The following GPAT3 variants were observed in gnomAD, a reference collection of about 807,000 sequenced individuals.
GPAT3 encodes 1-AGP acyltransferase 9.
In GPAT3, 53 loss-of-function variants were observed where a neutral mutation model predicts 58.8. That is an observed-to-expected ratio of 0.90 (90% CI 0.72 to 1.13). GPAT3 has a LOEUF of 1.13. Among genes scored for constraint, GPAT3 ranks in the 50% most tolerant of loss-of-function variants. The probability of loss-of-function intolerance (pLI) is 0.00; values close to 1 mark genes in which losing one functional copy is unlikely to be tolerated. For synonymous variants in GPAT3, 197 were observed against 187.4 expected (o/e 1.05, Z -0.42); for missense variants, 511 against 527.6 (o/e 0.97, Z 0.31).
chr4:83,586,663 G>C (rs2110101899), intron 3 of GPAT3, among the ~76,000 whole-genome samples: 1 of 152,118 alleles, frequency 6.6e-6, no homozygotes, highest in East Asian at 1.9e-4. Flanking sequence ...TACATTTCTA[G>C]AAATTACTAC....
At chr4:83,592,716 C>T (rs1369583686) in intron 6 of GPAT3, among the ~76,000 whole-genome samples, 1 of 152,106 alleles carries the variant, frequency 6.6e-6, no homozygotes, top group Non-Finnish European at 1.5e-5. Flanking sequence ...TTAGAGCACC[C>T]TTATGCCCTT....
At chr4:83,547,166 T>C (rs1348622578) in intron 2 of GPAT3, among the ~76,000 whole-genome samples, 2 of 151,766 alleles carry the variant, frequency 1.3e-5, no homozygotes, top group Non-Finnish European at 2.9e-5. Context: ...CTGAATGATA[T>C]AGTCCTGAAA....
chr4:83,587,519 T>C (rs1228752330), intron 4 of GPAT3, among the ~76,000 whole-genome samples, 190 bp downstream of exon 4: 1 of 152,190 alleles, frequency 6.6e-6, no homozygotes, highest in Non-Finnish European at 1.5e-5. Context: ...CTCCGCCTCC[T>C]GGGTTCAAGA....
At chr4:83,535,718 C>A (rs751247876), upstream of GPAT3, 36 of 985,202 alleles carry the variant, frequency 3.7e-5, no homozygotes, top group Admixed American at 1.2e-4. Context: ...AGATTGAGCC[C>A]CACAGCTGTA....
At position 83,588,303 on chromosome 4, in the gene GPAT3, A is replaced by G; in HGVS notation, c.644+4A>G. 6.8e-7 allele frequency: 1 copy of G among 1,462,000 alleles called. No homozygotes were observed. The highest frequency in any genetic ancestry group is 9.0e-7 in the Non-Finnish European group (1 of 1,111,992). The allele number at this position is 1,462,000 out of a possible 1,614,324, so 90.6% of individuals were successfully genotyped here. A position where few individuals can be genotyped will look rare whatever the true frequency, so the allele number is the denominator to read the frequency against. ...GTACCATTCATTATCATAACAAGTG[A>G]GTATCTGCTCCAATGTGCCTGTCTT... On this transcript the variant is annotated splice_donor_region_variant and intron_variant, in intron 5 of 11. Transcript: ENST00000264409.
In GPAT3 at chr4:83,581,764, C is replaced by T. The variant is rs1726141221; in HGVS notation, c.411C>T (p.Ile137=). 3 of 1,614,128 alleles carry T rather than the reference C, an allele frequency of 1.9e-6. No individual in the cohort carries two copies. The highest frequency in any genetic ancestry group is 2.5e-6 in the Non-Finnish European group (3 of 1,180,018). ...LTRTNVNFQY[I]SLRLTMVWVL... ...GAACCAATGTAAATTTCCAGTACAT[C>T]AGTCTGCGGCTCACTATGGTGTGGG... Residue 137 remains isoleucine, a synonymous_variant, in exon 3 of 12, where the codon ATC becomes ATT. Coordinates refer to ENST00000264409, the MANE Select transcript of GPAT3 (RefSeq NM_032717.5).
At position 83,590,230 on chromosome 4, in the gene GPAT3, G is replaced by T. The variant is rs1485394723; in HGVS notation, c.676G>T (p.Val226Phe). The change falls in exon 6 of 12, where the codon GTT (valine) becomes TTT (phenylalanine). Residue 226 changes from valine to phenylalanine, a missense_variant. Val to Phe is a conservative substitution (Grantham distance 50). Coordinates refer to ENST00000264409, the MANE Select transcript of GPAT3 (RefSeq NM_032717.5). ...QYRPQKGGIC[V>F]ANHTSPIDVL... ...CAGACCCCAGAAGGGAGGCATTTGT[G>T]TTGCCAACCATACTTCCCCCATTGA... 1.2e-6 allele frequency: 2 copies of T among 1,613,958 alleles called. No individual in the cohort carries two copies. The highest frequency in any genetic ancestry group is 1.7e-6 in the Non-Finnish European group (2 of 1,179,884).
At chr4:83,587,231 A>C (rs941379834) in intron 3 of GPAT3, 24 bp from the exon 4 acceptor site, 1 of 1,601,138 alleles carries the variant, frequency 6.2e-7, no homozygotes, top group Admixed American at 1.7e-5. Context: ...AAAATCTTAT[A>C]TGGCCCTCTC....
intron 2 of GPAT3, among the ~76,000 whole-genome samples, chr4:83,554,964 C>T (rs140026454): frequency 0.016 from 2,483 of 152,024 alleles, 32 homozygotes; most frequent in Non-Finnish European, 0.025. Flanking sequence ...CCACCATGCC[C>T]GGCTAATTTT....
upstream of GPAT3, chr4:83,535,896 A>G (rs1245457648): frequency 1.0e-6 from 1 of 985,410 alleles, no homozygotes; most frequent in African/African-American, 1.7e-5. Context: ...GCGGGTGAAG[A>G]AAATATTGAC....
chr4:83,565,017 ACT>A (rs984285988), intron 2 of GPAT3, among the ~76,000 whole-genome samples: 2 of 149,286 alleles, frequency 1.3e-5, no homozygotes, highest in East Asian at 1.9e-4. Flanking sequence ...TTGTCGCAAC[ACT>A]CTGTGAAAAA....
intron 11 of GPAT3, among the ~76,000 whole-genome samples, chr4:83,599,251 A>G (rs1169905176): frequency 3.9e-5 from 6 of 152,184 alleles, no homozygotes; most frequent in African/African-American, 4.8e-5. Context: ...TAACAGCTCA[A>G]TCTGTGTTGC....
chr4:83,536,246 GA>G lies in GPAT3; in HGVS notation c.-374del, dbSNP rs1186667716. The G allele has an allele frequency of 9.9e-7, 1 of 1,008,760 alleles. No individual in the cohort carries two copies. Among genetic ancestry groups the G allele is most frequent in the East Asian group, 9.9e-5 (1 of 10,064 alleles). The allele number at this position is 1,008,760 out of a possible 1,614,324, so 62.5% of individuals were successfully genotyped here. A position where few individuals can be genotyped will look rare whatever the true frequency, so the allele number is the denominator to read the frequency against. On this transcript the variant is annotated 5_prime_UTR_variant, in exon 1 of 12. Coordinates refer to ENST00000264409, the MANE Select transcript of GPAT3 (RefSeq NM_032717.5). ...GAGTTGTCGCAATCGCCACCCAGAGGAAATCAGGCACCGGGCGGGGCGGGTT... is the reference window on the plus strand; with the variant it reads ...GAGTTGTCGCAATCGCCACCCAGAGGAATCAGGCACCGGGCGGGGCGGGTT...
At chr4:83,565,094 A>G (rs1578175526) in intron 2 of GPAT3, among the ~76,000 whole-genome samples, 1 of 151,500 alleles carries the variant, frequency 6.6e-6, no homozygotes, top group East Asian at 1.9e-4. Flanking sequence ...ATATGTATTT[A>G]TTTATTTATT....
chr4:83,565,545 G>A lies in GPAT3; in HGVS notation c.209-16017G>A, dbSNP rs190874214. ...ACAGAATCTCGCTCTGTCACCCAGGGTGGAGTGCAGTGGTGCGCTCTCGGC... is the reference window on the plus strand; with the variant it reads ...ACAGAATCTCGCTCTGTCACCCAGGATGGAGTGCAGTGGTGCGCTCTCGGC... On this transcript the variant is annotated intron_variant, in intron 2 of 11. Coordinates refer to ENST00000264409, the MANE Select transcript of GPAT3 (RefSeq NM_032717.5). Among the ~76,000 whole-genome samples the A allele has an allele frequency of 1.3e-4, 19 of 151,758 alleles. No homozygotes were observed. The East Asian group carries it at 3.5e-3, about 28-fold the overall frequency.
chr4:83,557,309 C>G (rs1298626256), intron 2 of GPAT3, among the ~76,000 whole-genome samples: 4 of 152,116 alleles, frequency 2.6e-5, no homozygotes, highest in African/African-American at 9.7e-5. Context: ...TTTAGTAAAG[C>G]TTTTGATTCT....
chr4:83,598,420 T>A, intron 10 of GPAT3: 1 of 694,118 alleles, frequency 1.4e-6, no homozygotes, highest in Non-Finnish European at 2.4e-6. Flanking sequence ...TGGGTAAGAC[T>A]AATAAAGAGC....
chr4:83,569,882 GATCACGTGTAAGTGA>G (rs1292512680), intron 2 of GPAT3, among the ~76,000 whole-genome samples: 2 of 152,112 alleles, frequency 1.3e-5, no homozygotes, highest in African/African-American at 4.8e-5. Flanking sequence ...TGGGAAGAAT[GATCACGTGTAAGTGA>G]ATTGTAAGTG....
chr4:83,571,741 CAT>C (rs895283457), intron 2 of GPAT3, among the ~76,000 whole-genome samples: 7 of 126,948 alleles, frequency 5.5e-5, no homozygotes, highest in Admixed American at 8.3e-5. Flanking sequence ...TATATACACG[CAT>C]ATATATATAT....
Sources: allele counts gnomAD v4.1 joint callset (sites outside exome capture counted in the v4.1 genomes callset), GRCh38; gene constraint gnomAD v4.1.1; transcripts MANE v1.5; gene names NCBI Gene and HGNC (gene_info 2026-07-23, HGNC 2026-07-21).